The following ERBB4 variants were observed in gnomAD, a reference collection of about 807,000 sequenced individuals.
ERBB4 encodes receptor tyrosine-protein kinase erbB-4.
In ERBB4, 42 loss-of-function variants were observed where a neutral mutation model predicts 158.0. The ratio of observed to expected loss-of-function variants is 0.27; its 90% CI spans 0.21 to 0.34. ERBB4 has a LOEUF of 0.34. Ranked by LOEUF, ERBB4 falls within the 10% of genes least tolerant of loss-of-function variation. The pLI is 1.00. For synonymous variants in ERBB4, 583 were observed against 558.7 expected (o/e 1.04, Z -0.61); for missense variants, 1,333 against 1,624.1 (o/e 0.82, Z 3.08).
chr2:211,709,274 T>TAC (rs56023302), intron 9 of ERBB4, among the ~76,000 whole-genome samples: 17,380 of 136,396 alleles, frequency 0.13, 1,244 homozygotes, highest in South Asian at 0.2. Context: ...TATATATATA[T>TAC]ACATACATAT....
intron 1 of ERBB4, among the ~76,000 whole-genome samples, chr2:212,130,749 T>A (rs938714109): frequency 1.3e-5 from 2 of 152,160 alleles, no homozygotes; most frequent in Admixed American, 1.3e-4. Flanking sequence ...CCAAATGTCA[T>A]GAAAAAATAA....
At chr2:211,502,128 G>C (rs1011453903) in intron 20 of ERBB4, among the ~76,000 whole-genome samples, 7 of 152,094 alleles carry the variant, frequency 4.6e-5, no homozygotes, top group African/African-American at 1.7e-4. Flanking sequence ...TAAACTTTCT[G>C]GACAGTGTAG....
intron 1 of ERBB4, among the ~76,000 whole-genome samples, chr2:212,527,953 G>A (rs1449396979): frequency 2.7e-5 from 4 of 147,884 alleles, no homozygotes; most frequent in Non-Finnish European, 5.9e-5. Context: ...AACATGTGGT[G>A]TTTGGTTTTT....
intron 5 of ERBB4, among the ~76,000 whole-genome samples, chr2:211,744,319 T>G (rs1246660534): frequency 2.0e-5 from 3 of 152,202 alleles, no homozygotes; most frequent in African/African-American, 7.2e-5. Context: ...TAACTTTTAC[T>G]AAAAATATAA....
intron 12 of ERBB4, among the ~76,000 whole-genome samples, chr2:211,685,632 T>C (rs2072533365): frequency 6.6e-6 from 1 of 152,216 alleles, no homozygotes; most frequent in South Asian, 2.1e-4. Flanking sequence ...ACAAATTGTA[T>C]AATAATCTTG....
chr2:211,728,340 TTA>T (rs529232011), intron 5 of ERBB4, among the ~76,000 whole-genome samples: 7 of 150,070 alleles, frequency 4.7e-5, no homozygotes, highest in African/African-American at 1.2e-4. Flanking sequence ...GATACACACA[TTA>T]TATATATATA....
intron 1 of ERBB4, among the ~76,000 whole-genome samples, chr2:212,214,646 T>C (rs2083041021): frequency 6.8e-6 from 1 of 148,120 alleles, no homozygotes; most frequent in South Asian, 2.1e-4. Flanking sequence ...TTCCATACAT[T>C]GCTGATGGAA....
chr2:211,928,660 G>A (rs578024293), intron 3 of ERBB4, among the ~76,000 whole-genome samples: 1 of 152,224 alleles, frequency 6.6e-6, no homozygotes, highest in South Asian at 2.1e-4. Flanking sequence ...TGAGTGTCCA[G>A]CTTCAGTTTA....
chr2:211,922,436 T>C (rs1229546598), intron 3 of ERBB4, among the ~76,000 whole-genome samples: 1 of 152,142 alleles, frequency 6.6e-6, no homozygotes, highest in Non-Finnish European at 1.5e-5. Context: ...TACATTATAG[T>C]TTATCAACTT....
At chr2:211,842,582 T>C (rs2077497121) in intron 3 of ERBB4, among the ~76,000 whole-genome samples, 1 of 152,048 alleles carries the variant, frequency 6.6e-6, no homozygotes. Flanking sequence ...CACATTGTGA[T>C]ATTTAAAGTC....
At chr2:212,397,742 G>A (rs1177838126) in intron 1 of ERBB4, among the ~76,000 whole-genome samples, 1 of 151,952 alleles carries the variant, frequency 6.6e-6, no homozygotes, top group East Asian at 1.9e-4. Context: ...ATTGTTTGTT[G>A]TTTTTATATT....
intron 14 of ERBB4, 60 bp downstream of exon 14, chr2:211,673,104 A>C: frequency 8.1e-7 from 1 of 1,228,962 alleles, no homozygotes; most frequent in Non-Finnish European, 1.2e-6. Flanking sequence ...ATAAAATAAT[A>C]ACAAACATTC....
chr2:212,158,833 G>T (rs2081118248), intron 1 of ERBB4, among the ~76,000 whole-genome samples: 1 of 151,930 alleles, frequency 6.6e-6, no homozygotes, highest in Non-Finnish European at 1.5e-5. Flanking sequence ...AATAAGAAAT[G>T]CCTGTCAAAA....
chr2:212,410,502 C>A (rs1278285161), intron 1 of ERBB4, among the ~76,000 whole-genome samples: 2 of 151,900 alleles, frequency 1.3e-5, no homozygotes, highest in Non-Finnish European at 2.9e-5. Flanking sequence ...TTTGGAAAAT[C>A]CTGAACGGCA....
intron 1 of ERBB4, among the ~76,000 whole-genome samples, chr2:212,385,650 T>A (rs1362951856): frequency 1.3e-5 from 2 of 151,868 alleles, no homozygotes; most frequent in Non-Finnish European, 2.9e-5. Flanking sequence ...ATAGTATAGA[T>A]GCCAATCCCT....
intron 20 of ERBB4, among the ~76,000 whole-genome samples, chr2:211,547,294 GATCA>G (rs1278355831): frequency 6.6e-6 from 1 of 152,042 alleles, no homozygotes; most frequent in East Asian, 1.9e-4. Flanking sequence ...AATTGGTTGT[GATCA>G]ATTGTGGAAG....
chr2:212,305,467 ACT>A (rs1056470660), intron 1 of ERBB4, among the ~76,000 whole-genome samples: 7 of 151,232 alleles, frequency 4.6e-5, no homozygotes, highest in Non-Finnish European at 1.0e-4. Context: ...TATTTCTGTA[ACT>A]CTGTTTCTAC....
chr2:211,663,145 T>C (rs963465318), intron 15 of ERBB4, among the ~76,000 whole-genome samples: 8 of 152,200 alleles, frequency 5.3e-5, no homozygotes, highest in African/African-American at 1.9e-4. Context: ...AATGTTGAAC[T>C]GCAATAGAAT....
intron 2 of ERBB4, among the ~76,000 whole-genome samples, chr2:212,029,945 A>T (rs755531541): frequency 2.6e-5 from 4 of 152,124 alleles, no homozygotes; most frequent in Non-Finnish European, 5.9e-5. Context: ...CTTTTCTGCC[A>T]CATAAGGTTT....
Sources: gnomAD v4.1 joint callset for allele counts (sites outside exome capture counted in the v4.1 genomes callset) on GRCh38, gnomAD v4.1.1 for gene constraint, MANE v1.5 for transcripts, NCBI Gene and HGNC (gene_info 2026-07-23, HGNC 2026-07-21) for gene names.